Variants in PPP1R10 observed in about 807,000 individuals in gnomAD.
PPP1R10 encodes the protein protein phosphatase 1 regulatory subunit 10, also known as serine/threonine-protein phosphatase 1 regulatory subunit 10.
Under a neutral mutation model 99.0 loss-of-function variants are expected in PPP1R10, and 15 were observed. That is an observed-to-expected ratio of 0.15 (90% CI 0.10 to 0.23). The LOEUF (loss-of-function observed/expected upper bound fraction) is 0.23, where lower values mean the gene tolerates loss of function less well. PPP1R10 is among the 10% of genes least tolerant of loss of function. PPP1R10 has a pLI of 1.00. For synonymous variants in PPP1R10, 430 were observed against 449.5 expected (o/e 0.96, Z 0.55); for missense variants, 947 against 1,259.4 (o/e 0.75, Z 3.75).
In PPP1R10 at chr6:30,608,929, G is replaced by A. The variant is rs773350175; in HGVS notation, c.195-15C>T. On this transcript the variant is annotated splice_polypyrimidine_tract_variant and intron_variant, in intron 4 of 19. Coordinates refer to ENST00000376511, the MANE Select transcript of PPP1R10 (RefSeq NM_002714.4). ...CGTCAATAAATCTGCAGGCAGGCAG[G>A]AGAGTCTATCAGTAATGCCCTTTCT... is the stretch of plus-strand genomic sequence containing the variant. 1 of 1,614,104 alleles carries A rather than the reference G, an allele frequency of 6.2e-7. No homozygotes were observed. The highest frequency in any genetic ancestry group is 8.5e-7 in the Non-Finnish European group (1 of 1,179,992).
In PPP1R10 at chr6:30,602,322, C is replaced by T; in HGVS notation, c.2327G>A (p.Gly776Asp). 6.2e-7 allele frequency: 1 copy of T among 1,612,158 alleles called. No homozygotes were observed. Among genetic ancestry groups the T allele is most frequent in the Non-Finnish European group, 8.5e-7 (1 of 1,179,736 alleles). ...ATGGGGGCGATGCCCACTTCCCATG[C>T]CACCGCCAGGGCCTTCGTGGGGACG... The part of the protein sequence containing the change: ...GHRPHEGPGG[G>D]MGSGHRPHEG... The change falls in exon 19 of 20, where the codon GGC (glycine) becomes GAC (aspartate). Residue 776 changes from glycine to aspartate, a missense_variant. Gly to Asp is a moderately conservative substitution (Grantham distance 94). Transcript: ENST00000376511. The surrounding 1 kb of genome is among the most constrained non-coding windows in gnomAD (Gnocchi z 6.7).
intron 14 of PPP1R10, 67 bp from the exon 15 acceptor site, chr6:30,603,910 G>A: frequency 6.6e-7 from 1 of 1,522,394 alleles, no homozygotes; most frequent in Non-Finnish European, 8.8e-7. Flanking sequence ...GACCCTGAAA[G>A]TAATTTCTAA....
intron 2 of PPP1R10, among the ~76,000 whole-genome samples, chr6:30,615,800 C>T (rs1760437407): frequency 2.6e-5 from 4 of 152,174 alleles, no homozygotes; most frequent in Admixed American, 2.6e-4. Flanking sequence ...CAACTATTAT[C>T]TTGTATGTAC....
rs1803323830 is a variant in PPP1R10, at chr6:30,601,615, G to A, written c.2757C>T (p.Gly919=). ...RPVCRHFMMK[G]NCRYENNCAF... ...CACAGTTGTTCTCATAGCGGCAGTT[G>A]CCCTTCATCATGAAATGTCGGCAGA... is the stretch of plus-strand genomic sequence containing the variant. Residue 919 remains glycine, a synonymous_variant, in exon 20 of 20, where the codon GGC becomes GGT. Transcript: ENST00000376511. The A allele has an allele frequency of 1.9e-6, 3 of 1,614,110 alleles. No homozygotes were observed. Among genetic ancestry groups the A allele is most frequent in the Non-Finnish European group, 2.5e-6 (3 of 1,180,010 alleles).
In PPP1R10 at chr6:30,602,739, C is replaced by T. The variant is rs981917663; in HGVS notation, c.1958-48G>A. The T allele has an allele frequency of 1.9e-6, 3 of 1,583,726 alleles. No homozygotes were observed. Among genetic ancestry groups the T allele is most frequent in the African/African-American group, 2.7e-5 (2 of 74,532 alleles). On this transcript the variant is annotated intron_variant, in intron 18 of 19. Transcript: ENST00000376511. This position sits in a 1 kb window ranked among gnomAD's most constrained non-coding sequence, Gnocchi z 6.7. ...GACAGTATCAGCTACCAGGAACTGC[C>T]ATCTCCCAACCTAAACCACCACCTC...
chr6:30,615,018 G>A (rs1431022975), intron 2 of PPP1R10, among the ~76,000 whole-genome samples: 3 of 152,194 alleles, frequency 2.0e-5, no homozygotes, highest in African/African-American at 7.2e-5. Flanking sequence ...AGGGTGGAGA[G>A]AGGAGGAAGA....
Position 30,609,872 on chromosome 6 carries a change from C to T in PPP1R10, c.73G>A (p.Val25Ile). The T allele has an allele frequency of 6.2e-7, 1 of 1,614,148 alleles. No homozygotes were observed. Among genetic ancestry groups the T allele is most frequent in the Non-Finnish European group, 8.5e-7 (1 of 1,180,022 alleles). The change falls in exon 3 of 20, where the codon GTC becomes ATC. Residue 25 changes from valine to isoleucine, a missense_variant. Physicochemically the swap from Val to Ile is conservative, Grantham distance 29. Coordinates refer to ENST00000376511, the MANE Select transcript of PPP1R10 (RefSeq NM_002714.4). This position sits in a 1 kb window ranked among gnomAD's most constrained non-coding sequence, Gnocchi z 4.5. ...LDSFLNRDGE[V>I]KSVDGISKIF... Reference sequence around the variant, plus strand: ...TTGGAAATCCCATCCACACTTTTGACTTCCCCATCTCGGTTAAGGAAGCTG... The same window carrying T: ...TTGGAAATCCCATCCACACTTTTGATTTCCCCATCTCGGTTAAGGAAGCTG...
At position 30,606,284 on chromosome 6, in the gene PPP1R10, C is replaced by T. The variant is rs1803938160; in HGVS notation, c.635-41G>A. ...CGGTGTGGGCAGCTGAACTCAAACCCCAGACCCCCGAATTTTCCTCCCGTT... is the reference window on the plus strand; with the variant it reads ...CGGTGTGGGCAGCTGAACTCAAACCTCAGACCCCCGAATTTTCCTCCCGTT... On this transcript the variant is annotated intron_variant, in intron 8 of 19. Transcript: ENST00000376511. The surrounding 1 kb of genome is among the most constrained non-coding windows in gnomAD (Gnocchi z 6.3). The T allele has an allele frequency of 4.4e-6, 7 of 1,605,630 alleles. No homozygotes were observed. The highest frequency in any genetic ancestry group is 6.0e-6 in the Non-Finnish European group (7 of 1,174,474).
At position 30,601,498 on chromosome 6, in the gene PPP1R10, A is replaced by C. The variant is rs769769872; in HGVS notation, c.*51T>G. The C allele has an allele frequency of 6.7e-7, 1 of 1,482,604 alleles. No individual in the cohort carries two copies. Among genetic ancestry groups the C allele is most frequent in the East Asian group, 2.3e-5 (1 of 44,000 alleles). The allele number at this position is 1,482,604 out of a possible 1,614,324, so 91.8% of individuals were successfully genotyped here. On this transcript the variant is annotated 3_prime_UTR_variant, in exon 20 of 20. Coordinates refer to ENST00000376511, the MANE Select transcript of PPP1R10 (RefSeq NM_002714.4). ...ACAGAAGCCATAACAGGGTGGAAAG[A>C]GCGAGGCTGCAGTCCACAGGGGTTG... is the stretch of plus-strand genomic sequence containing the variant.
chr6:30,602,567 CCCCCGCATTGGGCCA>C lies in PPP1R10; in HGVS notation c.2067_2081del (p.Met692_Pro696del), dbSNP rs753381818. ...ATGGTCCAGGACCTGGTCCTGGACCCCCCCGCATTGGGCCACCCCGCATAGGGTCGCCCGGGCCAT... is the reference window on the plus strand; with the variant it reads ...ATGGTCCAGGACCTGGTCCTGGACCCCCCCGCATAGGGTCGCCCGGGCCAT... On this transcript the variant is annotated inframe_deletion, in exon 19 of 20. Transcript: ENST00000376511. This position sits in a 1 kb window ranked among gnomAD's most constrained non-coding sequence, Gnocchi z 6.7. The C allele has an allele frequency of 4.1e-5, 64 of 1,564,488 alleles. No individual in the cohort carries two copies. The highest frequency in any genetic ancestry group is 5.4e-5 in the Non-Finnish European group (62 of 1,157,918).
In PPP1R10 at chr6:30,602,342, G is replaced by A; in HGVS notation, c.2307C>T (p.Pro769=). ...CCATGCCACCGCCAGGGCCTTCGTG[G>A]GGACGATGTCCACTGCTGTTGCCCA... ...GGMGNSSGHR[P]HEGPGGGMGS... is the part of the protein sequence containing the mutation. The change falls in exon 19 of 20, where the codon CCC becomes CCT. Residue 769 remains proline, a synonymous_variant. Coordinates refer to ENST00000376511, the MANE Select transcript of PPP1R10 (RefSeq NM_002714.4). This position sits in a 1 kb window ranked among gnomAD's most constrained non-coding sequence, Gnocchi z 6.7. 1 of 1,612,398 alleles carries A rather than the reference G, an allele frequency of 6.2e-7. No homozygotes were observed. Among genetic ancestry groups the A allele is most frequent in the Non-Finnish European group, 8.5e-7 (1 of 1,179,814 alleles).
rs1803775141 is a variant in PPP1R10, at chr6:30,604,950, C to T, written c.954+44G>A. ...CTGCTGTGCCCTTTCTTCTACTTTA[C>T]CTTTTATACTCTGTCACTGAAACCT... On this transcript the variant is annotated intron_variant, in intron 11 of 19. Transcript: ENST00000376511. This position sits in a 1 kb window ranked among gnomAD's most constrained non-coding sequence, Gnocchi z 7.3. The T allele has an allele frequency of 6.3e-7, 1 of 1,591,376 alleles. No individual in the cohort carries two copies. Among genetic ancestry groups the T allele is most frequent in the African/African-American group, 1.3e-5 (1 of 74,392 alleles).
At position 30,608,827 on chromosome 6, in the gene PPP1R10, A is replaced by T. The variant is rs1804246226; in HGVS notation, c.282T>A (p.Ile94=). The change falls in exon 5 of 20, where the codon ATT becomes ATA. Residue 94 remains isoleucine, a synonymous_variant. Transcript: ENST00000376511. ...GCGGTAGATGCTGCAGGGTCAGTAG[A>T]ATTTGCTGGAGGAGGGGAATGTTGT... ...TTNNIPLLQQ[I]LLTLQHLPLT... 2.5e-6 allele frequency: 4 copies of T among 1,614,066 alleles called. No individual in the cohort carries two copies. The highest frequency in any genetic ancestry group is 3.4e-6 in the Non-Finnish European group (4 of 1,179,976).
At chr6:30,607,038 T>TA (rs1386321789) in intron 6 of PPP1R10, among the ~76,000 whole-genome samples, 182 bp from the exon 7 acceptor site, 5 of 152,354 alleles carry the variant, frequency 3.3e-5, no homozygotes, top group African/African-American at 1.2e-4. Context: ...AACAATGAAT[T>TA]AGAGTTGTGT....
At chr6:30,614,953 A>AG (rs1281864987) in intron 2 of PPP1R10, among the ~76,000 whole-genome samples, 1 of 152,216 alleles carries the variant, frequency 6.6e-6, no homozygotes, top group African/African-American at 2.4e-5. Flanking sequence ...TCTTCTCCCT[A>AG]GCAGCAACGA....
In PPP1R10 at chr6:30,604,917, A is replaced by G; in HGVS notation, c.954+77T>C. ...ACGCCTCTTGTTGTCCTCCCCGACA[A>G]CTCCTAGCTGCTGTGCCCTTTCTTC... is the stretch of plus-strand genomic sequence containing the variant. On this transcript the variant is annotated intron_variant, in intron 11 of 19. Coordinates refer to ENST00000376511, the MANE Select transcript of PPP1R10 (RefSeq NM_002714.4). The surrounding 1 kb of genome is among the most constrained non-coding windows in gnomAD (Gnocchi z 7.3). 1 of 1,538,630 alleles carries G rather than the reference A, an allele frequency of 6.5e-7. No individual in the cohort carries two copies. The highest frequency in any genetic ancestry group is 1.4e-5 in the African/African-American group (1 of 72,622).
rs1339260137 is a variant in PPP1R10, at chr6:30,602,596, C to T, written c.2053G>A (p.Asp685Asn). ...CGCATTGGGCCACCCCGCATAGGGT[C>T]GCCCGGGCCATCCCAGAAGGGATCA... is the stretch of plus-strand genomic sequence containing the variant. ...GGDPFWDGPG[D>N]PMRGGPMRGG... Residue 685 changes from aspartate to asparagine, a missense_variant, in exon 19 of 20, where the codon GAC becomes AAC. Asp to Asn is a conservative substitution (Grantham distance 23, BLOSUM62 1). Coordinates refer to ENST00000376511, the MANE Select transcript of PPP1R10 (RefSeq NM_002714.4). This position sits in a 1 kb window ranked among gnomAD's most constrained non-coding sequence, Gnocchi z 6.7. The T allele has an allele frequency of 4.4e-6, 7 of 1,574,468 alleles. No homozygotes were observed. The highest frequency in any genetic ancestry group is 1.4e-5 in the African/African-American group (1 of 73,028).
chr6:30,617,139 G>A (rs979272604), intron 1 of PPP1R10, 85 bp downstream of exon 1: 1 of 152,922 alleles, frequency 6.5e-6, no homozygotes, highest in African/African-American at 2.4e-5. Context: ...GCTCTCAAAT[G>A]AACCCATCCA....
chr6:30,614,378 G>T (rs1256786472), intron 2 of PPP1R10, among the ~76,000 whole-genome samples: 1 of 151,776 alleles, frequency 6.6e-6, no homozygotes, highest in African/African-American at 2.4e-5. Flanking sequence ...GATTCCCCCT[G>T]CCTTGAGTTT....
Sources: allele counts gnomAD v4.1 joint callset (sites outside exome capture counted in the v4.1 genomes callset), GRCh38; gene constraint gnomAD v4.1.1; non-coding constraint Gnocchi (gnomAD v3.1); transcripts MANE v1.5; gene names NCBI Gene and HGNC (gene_info 2026-07-23, HGNC 2026-07-21).